The following METTL8 variants were observed in gnomAD, a reference collection of about 807,000 sequenced individuals.
METTL8 encodes the protein methyltransferase 8, tRNA N3-cytidine, also known as tRNA N(3)-cytidine methyltransferase METTL8, mitochondrial.
In METTL8, 32 loss-of-function variants were observed where a neutral mutation model predicts 48.7. That is an observed-to-expected ratio of 0.66 (90% CI 0.50 to 0.88). The LOEUF (loss-of-function observed/expected upper bound fraction) is 0.88, where lower values mean the gene tolerates loss of function less well. Ranked by LOEUF, METTL8 falls within the 40% of genes least tolerant of loss-of-function variation. The pLI is 0.00. For missense variants in METTL8, 464 were observed against 474.4 expected (o/e 0.98, Z 0.20); for synonymous variants, 136 against 157.1 (o/e 0.87, Z 1.01).
At chr2:171,331,407 C>T (rs1410200198) in intron 6 of METTL8, among the ~76,000 whole-genome samples, 5 of 148,872 alleles carry the variant, frequency 3.4e-5, no homozygotes, top group Non-Finnish European at 5.9e-5. Context: ...CCATGCCTGG[C>T]GCTGTTGGCC....
At chr2:171,392,352 G>A (rs1688655983) in intron 1 of METTL8, among the ~76,000 whole-genome samples, 155 bp from the exon 2 acceptor site, 1 of 152,182 alleles carries the variant, frequency 6.6e-6, no homozygotes, top group Non-Finnish European at 1.5e-5. Context: ...CTTCTCTCCT[G>A]AAGTATATTC....
chr2:171,376,872 G>C (rs577783497), intron 2 of METTL8, among the ~76,000 whole-genome samples: 4 of 152,134 alleles, frequency 2.6e-5, no homozygotes, highest in African/African-American at 9.6e-5. Flanking sequence ...AACCAAAAAA[G>C]AGCCCATAGA....
chr2:171,325,950 TA>T (rs751545916), intron 8 of METTL8, 44 bp from the exon 9 acceptor site: 147 of 1,347,104 alleles, frequency 1.1e-4, no homozygotes, highest in Admixed American at 2.1e-4. Context: ...GGTATTCCTT[TA>T]AAAAAAAACA....
At chr2:171,386,380 T>A (rs1025730244) in intron 2 of METTL8, among the ~76,000 whole-genome samples, 2 of 152,250 alleles carry the variant, frequency 1.3e-5, no homozygotes, top group African/African-American at 4.8e-5. Context: ...TCCAAAAAAG[T>A]ATAATGTGAA....
At chr2:171,348,986 A>C (rs1198830238) in intron 3 of METTL8, among the ~76,000 whole-genome samples, 1 of 152,180 alleles carries the variant, frequency 6.6e-6, no homozygotes, top group Admixed American at 6.6e-5. Context: ...GCTTTTTAAA[A>C]AAATTGTGAT....
Position 171,324,177 on chromosome 2 carries a change from CT to C in METTL8, c.1218del (p.Asp407ThrfsTer30). 1 of 1,547,292 alleles carries C rather than the reference CT, an allele frequency of 6.5e-7. No homozygotes were observed. Among genetic ancestry groups the C allele is most frequent in the Non-Finnish European group, 8.7e-7 (1 of 1,145,082 alleles). On this transcript the variant is annotated frameshift_variant, in exon 10 of 10. Transcript: ENST00000375258. LOFTEE classifies it high-confidence loss of function. ...ACCTTAACATGTTACAAAGTTCAGT[CT>C]TGTGAAAGGAGTGTAGATACCATAT... is the stretch of plus-strand genomic sequence containing the variant. ...SSNMVSTLLS[Q>X]D is the part of the protein sequence containing the mutation.
intron 3 of METTL8, among the ~76,000 whole-genome samples, chr2:171,357,897 T>G (rs1355353030): frequency 6.6e-6 from 1 of 152,150 alleles, no homozygotes. Flanking sequence ...GTTTTAGCCA[T>G]ATTGCCCAAG....
chr2:171,429,367 T>A (rs1304115517), intron 1 of METTL8, among the ~76,000 whole-genome samples: 1 of 152,124 alleles, frequency 6.6e-6, no homozygotes, highest in Non-Finnish European at 1.5e-5. Context: ...GAAGGTTTTG[T>A]GGTGATTTAT....
At chr2:171,399,897 T>C (rs1214384960) in intron 1 of METTL8, among the ~76,000 whole-genome samples, 1 of 151,992 alleles carries the variant, frequency 6.6e-6, no homozygotes, top group Non-Finnish European at 1.5e-5. Context: ...CCAGCACTTT[T>C]GGAGGCTGAG....
Position 171,418,251 on chromosome 2 carries a change from A to G in METTL8, c.-13+15632T>C, listed in dbSNP as rs534398985. On this transcript the variant is annotated intron_variant, in intron 1 of 9. Transcript: ENST00000375258. ...AGCCACCGCACCCGGCCATGTCATCATATCTTCTTAGGCTCCTATTTATTC... is the reference window on the plus strand; with the variant it reads ...AGCCACCGCACCCGGCCATGTCATCGTATCTTCTTAGGCTCCTATTTATTC... 1.9e-3 allele frequency among the ~76,000 whole-genome samples: 287 copies of G among 152,162 alleles called. 2 individuals carry two copies. Among genetic ancestry groups the G allele is most frequent in the African/African-American group, 6.7e-3 (280 of 41,524 alleles).
intron 3 of METTL8, among the ~76,000 whole-genome samples, chr2:171,342,890 A>G (rs1044254651): frequency 1.3e-5 from 2 of 152,180 alleles, no homozygotes; most frequent in African/African-American, 2.4e-5. Flanking sequence ...AGATGTGCAT[A>G]GCGGCCAGGC....
At chr2:171,397,503 A>G (rs1689213474) in intron 1 of METTL8, among the ~76,000 whole-genome samples, 1 of 145,348 alleles carries the variant, frequency 6.9e-6, no homozygotes, top group South Asian at 2.3e-4. Context: ...GCAGTGAACT[A>G]TGATCATGCT....
intron 3 of METTL8, among the ~76,000 whole-genome samples, chr2:171,350,190 C>G (rs1012147167): frequency 2.0e-5 from 3 of 152,164 alleles, no homozygotes; most frequent in South Asian, 2.1e-4. Context: ...TCAATTCCCA[C>G]CTATGAGTGA....
Position 171,339,228 on chromosome 2 carries a change from T to C in METTL8, c.562A>G (p.Thr188Ala), listed in dbSNP as rs999520544. The change falls in exon 4 of 10, where the codon ACT (threonine) becomes GCT (alanine). Residue 188 changes from threonine to alanine, a missense_variant. Physicochemically the swap from Thr to Ala is moderately conservative, Grantham distance 58. Transcript: ENST00000375258. Reference sequence around the variant, plus strand: ...GCATTGCTACCAGGAAACAATCCAGTCTCCATAGGTCCTTTTTTGTGTTTT... The same window carrying C: ...GCATTGCTACCAGGAAACAATCCAGCCTCCATAGGTCCTTTTTTGTGTTTT... ...SEKHKKGPME[T>A]GLFPGSNATF... is the part of the protein sequence containing the mutation. 12 of 1,579,444 alleles carry C rather than the reference T, an allele frequency of 7.6e-6. No individual in the cohort carries two copies. Among genetic ancestry groups the C allele is most frequent in the Non-Finnish European group, 1.0e-5 (12 of 1,162,100 alleles).
At chr2:171,386,381 A>G (rs1688052104) in intron 2 of METTL8, among the ~76,000 whole-genome samples, 3 of 152,240 alleles carry the variant, frequency 2.0e-5, no homozygotes, top group Admixed American at 2.0e-4. Flanking sequence ...CCAAAAAAGT[A>G]TAATGTGAAC....
intron 1 of METTL8, among the ~76,000 whole-genome samples, chr2:171,393,190 G>A (rs969199639): frequency 2.0e-5 from 3 of 152,030 alleles, no homozygotes; most frequent in African/African-American, 7.3e-5. Flanking sequence ...GGAGGCCAAG[G>A]TGAGAGAGTT....
chr2:171,350,772 T>A (rs139677740), intron 3 of METTL8, among the ~76,000 whole-genome samples: 2,592 of 152,362 alleles, frequency 0.017, 74 homozygotes, highest in Admixed American at 0.07. Flanking sequence ...TTTTGAGAAG[T>A]GTCTATTCAT....
At chr2:171,392,862 C>T (rs1198036261) in intron 1 of METTL8, among the ~76,000 whole-genome samples, 6 of 151,392 alleles carry the variant, frequency 4.0e-5, no homozygotes, top group Admixed American at 2.0e-4. Flanking sequence ...TTTGGCAGGC[C>T]GAGGCAGGTG....
chr2:171,416,775 A>G (rs1691355328), intron 1 of METTL8, among the ~76,000 whole-genome samples: 1 of 152,244 alleles, frequency 6.6e-6, no homozygotes, highest in South Asian at 2.1e-4. Context: ...CTGAGGCTCG[A>G]GCACTTGGTC....
Sources: allele counts gnomAD v4.1 joint callset (sites outside exome capture counted in the v4.1 genomes callset), GRCh38; gene constraint gnomAD v4.1.1; transcripts MANE v1.5; gene names NCBI Gene and HGNC (gene_info 2026-07-23, HGNC 2026-07-21).